The following ATR variants were observed in gnomAD, a reference collection of about 807,000 sequenced individuals.
The protein encoded by ATR is ATR checkpoint kinase, also known as serine/threonine-protein kinase ATR.
ATR carries 142 observed loss-of-function variants against 305.3 expected under a neutral mutation model. That is an observed-to-expected ratio of 0.47 (90% CI 0.41 to 0.53). The LOEUF (loss-of-function observed/expected upper bound fraction) is 0.53, where lower values mean the gene tolerates loss of function less well. Among genes scored for constraint, ATR ranks in the 20% least tolerant of loss-of-function variants. ATR has a pLI of 0.00. For synonymous variants in ATR, 1,050 were observed against 1,068.1 expected (o/e 0.98, Z 0.33); for missense variants, 2,135 against 3,133.1 (o/e 0.68, Z 7.60).
At chr3:142,469,771 C>A (rs1391329224) in intron 37 of ATR, among the ~76,000 whole-genome samples, 2 of 151,978 alleles carry the variant, frequency 1.3e-5, no homozygotes, top group African/African-American at 4.8e-5. Context: ...ATTCAAAAAC[C>A]CAAGGGACAT....
At chr3:142,452,242 G>C in intron 46 of ATR, 1 of 994,702 alleles carries the variant, frequency 1.0e-6, no homozygotes, top group Non-Finnish European at 1.2e-6. Context: ...TAGTTAACTG[G>C]AATGTAAATT....
intron 36 of ATR, among the ~76,000 whole-genome samples, chr3:142,482,377 G>C (rs1035151706): frequency 3.3e-5 from 5 of 152,026 alleles, no homozygotes; most frequent in Admixed American, 1.3e-4. Flanking sequence ...ATTCCTGAAG[G>C]GTACTTTAAA....
intron 35 of ATR, among the ~76,000 whole-genome samples, chr3:142,490,374 TCTTA>T (rs1375171377): frequency 6.6e-6 from 1 of 152,180 alleles, no homozygotes; most frequent in Non-Finnish European, 1.5e-5. Flanking sequence ...CTTTAAATTG[TCTTA>T]CTAAGTTGTA....
intron 24 of ATR, among the ~76,000 whole-genome samples, chr3:142,515,846 T>A (rs994397123): frequency 6.6e-6 from 1 of 152,182 alleles, no homozygotes; most frequent in African/African-American, 2.4e-5. Flanking sequence ...ACACACTGAT[T>A]ACCAAACTCA....
intron 24 of ATR, among the ~76,000 whole-genome samples, chr3:142,517,586 A>C (rs1481852426): frequency 1.3e-5 from 2 of 152,196 alleles, no homozygotes; most frequent in East Asian, 1.9e-4. Context: ...AATTTCAATA[A>C]GCAGATCCCA....
chr3:142,509,545 ATTTTTTTTTT>A (rs71629538), intron 27 of ATR, among the ~76,000 whole-genome samples: 60 of 73,816 alleles, frequency 8.1e-4, no homozygotes, highest in African/African-American at 2.8e-3. Flanking sequence ...TCAAATTCTG[ATTTTTTTTTT>A]TTTTTTTTTT....
chr3:142,472,274 G>GAT (rs1175375032), intron 36 of ATR: 1 of 152,060 alleles, frequency 6.6e-6, no homozygotes, highest in African/African-American at 2.4e-5. Context: ...ATTTCCTTTA[G>GAT]ATATATACCC....
At chr3:142,491,817 T>C (rs1000770486) in intron 35 of ATR, among the ~76,000 whole-genome samples, 1 of 152,230 alleles carries the variant, frequency 6.6e-6, no homozygotes, top group Non-Finnish European at 1.5e-5. Flanking sequence ...TAGGTCTTTC[T>C]TGTATCTTTG....
intron 36 of ATR, among the ~76,000 whole-genome samples, chr3:142,479,940 G>T (rs1230421003): frequency 6.6e-6 from 1 of 152,142 alleles, no homozygotes; most frequent in Non-Finnish European, 1.5e-5. Flanking sequence ...AGCTCCATCA[G>T]GTCCTTTAAG....
At chr3:142,560,748 G>C (rs768806636) in intron 5 of ATR, among the ~76,000 whole-genome samples, 3 of 152,218 alleles carry the variant, frequency 2.0e-5, no homozygotes, top group Non-Finnish European at 4.4e-5. Flanking sequence ...TTTTAGTAGA[G>C]ACAGGGTTTC....
Position 142,553,864 on chromosome 3 carries a change from T to C in ATR, c.2493A>G (p.Ile831Met), listed in dbSNP as rs756567587. The C allele has an allele frequency of 2.5e-6, 4 of 1,613,692 alleles. No homozygotes were observed. The highest frequency in any genetic ancestry group is 4.5e-5 in the East Asian group (2 of 44,742). Residue 831 changes from isoleucine to methionine, a missense_variant, in exon 11 of 47, where the codon ATA becomes ATG. Around this residue, in one of 9 missense-constraint regions of ATR, gnomAD observed 530 missense variants for 766.8 expected, o/e 0.69. Coordinates refer to ENST00000350721, the MANE Select transcript of ATR (RefSeq NM_001184.4). ...CATCTTCAGAGTCCAAGGATTCCAA[T>C]ATGTGCTTGATATTTCCACTAAAAG... is the stretch of plus-strand genomic sequence containing the variant. ...RVAFSGNIKH[I>M]LESLDSEDGF...
chr3:142,562,141 C>T, intron 4 of ATR, 91 bp downstream of exon 4: 5 of 1,323,808 alleles, frequency 3.8e-6, no homozygotes, highest in Non-Finnish European at 5.2e-6. Flanking sequence ...TAAAGATATT[C>T]TATTTTCTTA....
In ATR at chr3:142,563,087, C is replaced by T. The variant is rs1448182465; in HGVS notation, c.315G>A (p.Thr105=). 3.7e-6 allele frequency: 6 copies of T among 1,602,428 alleles called. No individual in the cohort carries two copies. Among genetic ancestry groups the T allele is most frequent in the Non-Finnish European group, 4.2e-6 (5 of 1,177,008 alleles). Residue 105 remains threonine, a synonymous_variant, in exon 4 of 47, where the codon ACG becomes ACA. Transcript: ENST00000350721. ...GAGTTGCTGCAATCCGCAGAAGTCT[C>T]GTTATGATCCAATTACTGAATTCTT... The part of the protein sequence containing the change: ...SCIEFSNWII[T]RLLRIAATPS...
chr3:142,524,722 T>A (rs192046431), intron 21 of ATR, among the ~76,000 whole-genome samples: 9 of 152,138 alleles, frequency 5.9e-5, no homozygotes, highest in African/African-American at 2.2e-4. Flanking sequence ...AAAAAAGATA[T>A]AAAAAAGGGT....
chr3:142,559,264 C>A lies in ATR; in HGVS notation c.1719G>T (p.Leu573Phe), dbSNP rs2108479402. 1 of 1,613,620 alleles carries A rather than the reference C, an allele frequency of 6.2e-7. No individual in the cohort carries two copies. The highest frequency in any genetic ancestry group is 1.1e-5 in the South Asian group (1 of 91,050). Residue 573 changes from leucine to phenylalanine, a missense_variant, in exon 7 of 47, where the codon TTG (leucine) becomes TTT (phenylalanine). Leu to Phe is a conservative substitution (Grantham distance 22). Around this residue, in one of 9 missense-constraint regions of ATR, gnomAD observed 744 missense variants for 873.2 expected, o/e 0.85. Transcript: ENST00000350721. ...ATTTGTACTCACCTTGCATATAAAT[C>A]AAAGCATCATAAATTTTCACCACCT... ...IDKVVKIYDA[L>F]IYMQVNSSFE...
chr3:142,521,264 G>C (rs577631328), intron 23 of ATR, among the ~76,000 whole-genome samples: 7 of 152,218 alleles, frequency 4.6e-5, no homozygotes, highest in Non-Finnish European at 8.8e-5. Context: ...GAGACCTACT[G>C]GTCACAATAA....
At chr3:142,559,088 G>T in intron 7 of ATR, 163 bp downstream of exon 7, 1 of 739,144 alleles carries the variant, frequency 1.4e-6, no homozygotes, top group Non-Finnish European at 2.1e-6. Flanking sequence ...ACATAAATTG[G>T]CAACTCAGAA....
intron 24 of ATR, among the ~76,000 whole-genome samples, chr3:142,516,542 T>C (rs1357071899): frequency 1.3e-5 from 2 of 152,118 alleles, no homozygotes; most frequent in East Asian, 3.8e-4. Context: ...CCTCCTAAAG[T>C]CACCTACACC....
At chr3:142,521,869 C>T (rs1051465360) in intron 23 of ATR, among the ~76,000 whole-genome samples, 28 of 152,208 alleles carry the variant, frequency 1.8e-4, no homozygotes, top group African/African-American at 6.5e-4. Flanking sequence ...CAGGTGACAA[C>T]GAAGGATTTA....
Sources: allele counts gnomAD v4.1 joint callset (sites outside exome capture counted in the v4.1 genomes callset), GRCh38; gene constraint gnomAD v4.1.1; regional missense constraint gnomAD v4.1.1; transcripts MANE v1.5; gene names NCBI Gene and HGNC (gene_info 2026-07-23, HGNC 2026-07-21).